Variants in SPATA18 observed in about 807,000 individuals in gnomAD.
SPATA18 encodes the protein mitochondria-eating protein.
A neutral mutation model predicts 68.1 loss-of-function variants in SPATA18; 54 were observed. That is an observed-to-expected ratio of 0.79 (90% CI 0.64 to 0.99). The LOEUF (loss-of-function observed/expected upper bound fraction) is 0.99, where lower values mean the gene tolerates loss of function less well. Among genes scored for constraint, SPATA18 ranks in the 50% least tolerant of loss-of-function variants. SPATA18 has a pLI of 0.00. For missense variants in SPATA18, 724 were observed against 681.1 expected (o/e 1.06, Z -0.70); for synonymous variants, 242 against 244.8 (o/e 0.99, Z 0.11).
intron 4 of SPATA18, among the ~76,000 whole-genome samples, chr4:52,069,108 A>T (rs1739578719): frequency 6.6e-6 from 1 of 152,116 alleles, no homozygotes; most frequent in East Asian, 1.9e-4. Context: ...AGCTCAAAAG[A>T]TTCTCCTGCC....
rs1230386437 is a variant in SPATA18 at position 52,085,082 on chromosome 4, G to A, written c.1563+83G>A. ...TTTTTGCTTCAGCAATACAAAAGAG[G>A]TGATTATAAGTCTACAGGTGGAAAG... On this transcript the variant is annotated intron_variant, in intron 11 of 12. Coordinates refer to ENST00000295213, the MANE Select transcript of SPATA18 (RefSeq NM_145263.4). 4 of 1,078,030 alleles carry A rather than the reference G, an allele frequency of 3.7e-6. No homozygotes were observed. In the African/African-American group the frequency reaches 6.4e-5, roughly 17 times the overall value. 66.8% of individuals were successfully genotyped at this position (1,078,030 alleles called of 1,614,324 possible).
At position 52,060,667 on chromosome 4, in the gene SPATA18, T is replaced by C. The variant is rs567884182; in HGVS notation, c.194-115T>C. 3.4e-6 allele frequency: 4 copies of C among 1,161,716 alleles called. No homozygotes were observed. The East Asian group carries it at 9.8e-5, about 28-fold the overall frequency. The allele number at this position is 1,161,716 out of a possible 1,614,324, so 72.0% of individuals were successfully genotyped here. A position where few individuals can be genotyped will look rare whatever the true frequency, so the allele number is the denominator to read the frequency against. On this transcript the variant is annotated intron_variant, in intron 2 of 12. Coordinates refer to ENST00000295213, the MANE Select transcript of SPATA18 (RefSeq NM_145263.4). Reference sequence around the variant, plus strand: ...TGATGTGTGTATTCTCTCTTTTTTTTTTAATTATACTTTAAGTTTTAGGGT... The same window carrying C: ...TGATGTGTGTATTCTCTCTTTTTTTCTTAATTATACTTTAAGTTTTAGGGT...
chr4:52,076,239 A>T (rs4400055), intron 6 of SPATA18, among the ~76,000 whole-genome samples: 94,794 of 152,048 alleles, frequency 0.62, 34,358 homozygotes, highest in Non-Finnish European at 0.81. Flanking sequence ...CTGAGGACAG[A>T]GTGATAGGCA....
At chr4:52,063,171 C>T (rs1168498626) in intron 4 of SPATA18, among the ~76,000 whole-genome samples, 1 of 152,094 alleles carries the variant, frequency 6.6e-6, no homozygotes, top group African/African-American at 2.4e-5. Context: ...AAATTAATAA[C>T]TAGTTAAGGC....
Position 52,082,387 on chromosome 4 carries a change from A to G in SPATA18, c.1356A>G (p.Lys452=). 1 of 1,613,692 alleles carries G rather than the reference A, an allele frequency of 6.2e-7. No individual in the cohort carries two copies. The highest frequency in any genetic ancestry group is 1.7e-4 in the Middle Eastern group (1 of 6,058). Residue 452 remains lysine (K), a splice_region_variant and synonymous_variant, in exon 10 of 13, where the codon AAA becomes AAG. Coordinates refer to ENST00000295213, the MANE Select transcript of SPATA18 (RefSeq NM_145263.4). Reference sequence around the variant, plus strand: ...TTCTTTTTTTGTATATTGAAAACAGATACCGCCGCAGCTACGACTCGGATT... The same window carrying G: ...TTCTTTTTTTGTATATTGAAAACAGGTACCGCCGCAGCTACGACTCGGATT... ...GADGEVFNDC[K]YRRSYDSDFT... is the part of the protein sequence containing the mutation.
At chr4:52,068,419 T>G (rs1032046308) in intron 4 of SPATA18, among the ~76,000 whole-genome samples, 1 of 152,144 alleles carries the variant, frequency 6.6e-6, no homozygotes, top group African/African-American at 2.4e-5. Flanking sequence ...CCTCAAATAG[T>G]TTATAGTGTG....
intron 1 of SPATA18, among the ~76,000 whole-genome samples, chr4:52,054,914 A>T (rs1168471255): frequency 1.3e-5 from 2 of 151,730 alleles, no homozygotes; most frequent in East Asian, 1.9e-4. Context: ...TTGATTCTTT[A>T]TGTGTAGGGG....
At chr4:52,089,956 T>A (rs1741791787) in intron 11 of SPATA18, among the ~76,000 whole-genome samples, 1 of 152,310 alleles carries the variant, frequency 6.6e-6, no homozygotes, top group South Asian at 2.1e-4. Flanking sequence ...GCTTTATGAA[T>A]CTGGGTGCTT....
In SPATA18 at chr4:52,070,009, CAG is replaced by C. The variant is rs113756486; in HGVS notation, c.518+99_518+100del. 1.9e-4 allele frequency: 106 copies of C among 567,596 alleles called. 3 individuals carry two copies. Among genetic ancestry groups the C allele is most frequent in the African/African-American group, 1.4e-3 (71 of 50,030 alleles). 35.2% of individuals were successfully genotyped at this position (567,596 alleles called of 1,614,324 possible). A position where few individuals can be genotyped will look rare whatever the true frequency, so the allele number is the denominator to read the frequency against. ...CAACATGAAAGAATCTGTTCACTAT[CAG>C]AGAGAAAATGCAGAAATATTTTTAT... On this transcript the variant is annotated intron_variant, in intron 5 of 12. Transcript: ENST00000295213.
At chr4:52,058,269 A>G (rs1738522348) in intron 1 of SPATA18, among the ~76,000 whole-genome samples, 1 of 152,216 alleles carries the variant, frequency 6.6e-6, no homozygotes, top group South Asian at 2.1e-4. Context: ...GAGCAAAGCA[A>G]TATCATTTTT....
Position 52,072,020 on chromosome 4 carries a change from C to T in SPATA18, c.622C>T (p.Arg208Cys), listed in dbSNP as rs978143435. 35 of 1,613,742 alleles carry T rather than the reference C, an allele frequency of 2.2e-5. No homozygotes were observed. The highest frequency in any genetic ancestry group is 2.8e-5 in the Non-Finnish European group (33 of 1,180,004). ...GCCTTGGAGCTTGGAGGAGCGGAAGCGTGAGCAGTGGAACTCACTCAAGCA... is the reference window on the plus strand; with the variant it reads ...GCCTTGGAGCTTGGAGGAGCGGAAGTGTGAGCAGTGGAACTCACTCAAGCA... ...SEPWSLEERK[R>C]EQWNSLKQNA... is the part of the protein sequence containing the mutation. Residue 208 changes from arginine (R) to cysteine (C), a missense_variant, in exon 6 of 13, where the codon CGT (arginine) becomes TGT (cysteine). Physicochemically the swap from Arg to Cys is radical, Grantham distance 180. Transcript: ENST00000295213.
chr4:52,068,505 G>A (rs1272745413), intron 4 of SPATA18, among the ~76,000 whole-genome samples: 1 of 152,258 alleles, frequency 6.6e-6, no homozygotes, highest in Non-Finnish European at 1.5e-5. Context: ...GGGATACTAT[G>A]TGGAAGGCCC....
intron 8 of SPATA18, 84 bp downstream of exon 8, chr4:52,078,977 A>G: frequency 7.6e-7 from 1 of 1,313,564 alleles, no homozygotes. Flanking sequence ...AAATCCATCC[A>G]GTATTTAGTA....
Position 52,079,803 on chromosome 4 carries a change from T to C in SPATA18, c.1239T>C (p.Phe413=). 1.2e-6 allele frequency: 2 copies of C among 1,614,116 alleles called. No homozygotes were observed. The highest frequency in any genetic ancestry group is 1.7e-6 in the Non-Finnish European group (2 of 1,179,960). The change falls in exon 9 of 13, where the codon TTT becomes TTC. Residue 413 remains phenylalanine (F), a synonymous_variant. Transcript: ENST00000295213. The part of the protein sequence containing the change: ...PKISFPPVVD[F]CLLSDFIQEI... ...TTTCATTCCCTCCTGTCGTTGACTT[T>C]TGCCTTCTCAGTGACTTCATCCAGG...
rs1742395948 is a variant in SPATA18, at chr4:52,096,090, C to T, written c.*1203C>T. 2 of 152,142 alleles carry T rather than the reference C, an allele frequency of 1.3e-5. No individual in the cohort carries two copies. Among genetic ancestry groups the T allele is most frequent in the Non-Finnish European group, 2.9e-5 (2 of 68,016 alleles). 9.4% of individuals were successfully genotyped at this position (152,142 alleles called of 1,614,324 possible). ...TGATGCTTTTCAGGTGAAAATAAAA[C>T]AAACAGCTTCTCTAAAGCATCTTAC... On this transcript the variant is annotated 3_prime_UTR_variant, in exon 13 of 13. Transcript: ENST00000295213.
At chr4:52,072,645 A>T (rs566348837) in intron 6 of SPATA18, among the ~76,000 whole-genome samples, 1 of 152,156 alleles carries the variant, frequency 6.6e-6, no homozygotes, top group South Asian at 2.1e-4. Context: ...ACCTCAGGTG[A>T]TCTGCCTGCC....
chr4:52,053,334 C>G (rs1230379956), intron 1 of SPATA18, among the ~76,000 whole-genome samples: 1 of 152,156 alleles, frequency 6.6e-6, no homozygotes, highest in East Asian at 1.9e-4. Flanking sequence ...CCCTTCATCT[C>G]TCTACAGTAG....
intron 11 of SPATA18, among the ~76,000 whole-genome samples, chr4:52,093,420 G>T (rs1003560878): frequency 4.6e-5 from 7 of 152,100 alleles, no homozygotes; most frequent in Non-Finnish European, 1.0e-4. Context: ...TGAAGAAAAT[G>T]ACCTAAAAAA....
At position 52,077,422 on chromosome 4, in the gene SPATA18, CTCCT is replaced by C. The variant is rs1201740693; in HGVS notation, c.1020+398_1020+401del. On this transcript the variant is annotated intron_variant, in intron 7 of 12. Coordinates refer to ENST00000295213, the MANE Select transcript of SPATA18 (RefSeq NM_145263.4). Reference sequence around the variant, plus strand: ...TTCCTCCATTGTTTCCTTCCTCTCTCTCCTTCCTTCCTTCCTTCCCTTTCATTAC... The same window carrying C: ...TTCCTCCATTGTTTCCTTCCTCTCTCTCCTTCCTTCCTTCCCTTTCATTAC... Among the ~76,000 whole-genome samples, 448 of 132,996 alleles carry C rather than the reference CTCCT, an allele frequency of 3.4e-3. 3 individuals carry two copies. Among genetic ancestry groups the C allele is most frequent in the African/African-American group, 0.011 (416 of 39,194 alleles). 87.3% of individuals were successfully genotyped at this position (132,996 alleles called of 152,430 possible). A position where few individuals can be genotyped will look rare whatever the true frequency, so the allele number is the denominator to read the frequency against.
Sources: allele counts gnomAD v4.1 joint callset (sites outside exome capture counted in the v4.1 genomes callset), GRCh38; gene constraint gnomAD v4.1.1; transcripts MANE v1.5; gene names NCBI Gene and HGNC (gene_info 2026-07-23, HGNC 2026-07-21).